The following MDGA2 variants were observed in gnomAD, a reference collection of about 807,000 sequenced individuals.
MDGA2 encodes MAM domain containing glycosylphosphatidylinositol anchor 2.
In MDGA2, 40 loss-of-function variants were observed where a neutral mutation model predicts 117.8. That is an observed-to-expected ratio of 0.34 (90% CI 0.26 to 0.44). The LOEUF is 0.44. Ranked by LOEUF, MDGA2 falls within the 20% of genes least tolerant of loss-of-function variation. The pLI is 1.00. For missense variants in MDGA2, 1,123 were observed against 1,250.6 expected (o/e 0.90, Z 1.54); for synonymous variants, 452 against 439.0 (o/e 1.03, Z -0.37).
intron 3 of MDGA2, among the ~76,000 whole-genome samples, chr14:47,144,931 G>C (rs975104653): frequency 6.6e-6 from 1 of 150,504 alleles, no homozygotes; most frequent in Non-Finnish European, 1.5e-5. Context: ...TTACAGGCGT[G>C]AACTACTATA....
intron 10 of MDGA2, among the ~76,000 whole-genome samples, chr14:46,917,489 G>C (rs546524700): frequency 2.2e-4 from 34 of 152,236 alleles, no homozygotes; most frequent in Admixed American, 6.5e-4. Context: ...GATATGCTCA[G>C]AAACATGCTC....
chr14:46,892,261 G>T (rs1882912554), intron 10 of MDGA2, among the ~76,000 whole-genome samples: 1 of 151,354 alleles, frequency 6.6e-6, no homozygotes, highest in African/African-American at 2.4e-5. Flanking sequence ...ACCCAATGAA[G>T]CAAGAATAGC....
At chr14:47,558,434 A>C (rs560371957) in intron 1 of MDGA2, among the ~76,000 whole-genome samples, 1 of 152,324 alleles carries the variant, frequency 6.6e-6, no homozygotes, top group Admixed American at 6.5e-5. Context: ...CTCACTCTGC[A>C]GTTTTCTGGG....
intron 2 of MDGA2, among the ~76,000 whole-genome samples, chr14:47,291,244 A>G (rs542394327): frequency 2.0e-5 from 3 of 152,306 alleles, no homozygotes; most frequent in East Asian, 1.9e-4. Context: ...GAAATATTTT[A>G]AATGTAGTAT....
At chr14:47,324,994 C>T (rs961955546) in intron 1 of MDGA2, among the ~76,000 whole-genome samples, 10 of 151,740 alleles carry the variant, frequency 6.6e-5, no homozygotes, top group Non-Finnish European at 8.8e-5. Context: ...AGTAGAAGAA[C>T]GGTGCTATAA....
rs1476050366 is a variant in MDGA2, at chr14:46,841,792, T to A, written c.*139A>T. 11 of 542,854 alleles carry A rather than the reference T, an allele frequency of 2.0e-5. No homozygotes were observed. Among genetic ancestry groups the A allele is most frequent in the African/African-American group, 5.8e-5 (3 of 51,572 alleles). The allele number at this position is 542,854 out of a possible 1,614,324, so 33.6% of individuals were successfully genotyped here. A position where few individuals can be genotyped will look rare whatever the true frequency, so the allele number is the denominator to read the frequency against. On this transcript the variant is annotated 3_prime_UTR_variant, in exon 17 of 17. Coordinates refer to ENST00000399232, the MANE Select transcript of MDGA2 (RefSeq NM_001113498.3). ...TTTTTATCCCCAGTGCTTAAAAAAA[T>A]TTGTTTTTATTATTTTATTTTTGAG... is the stretch of plus-strand genomic sequence containing the variant.
At chr14:47,219,493 A>T (rs182473962) in intron 2 of MDGA2, among the ~76,000 whole-genome samples, 1 of 152,082 alleles carries the variant, frequency 6.6e-6, no homozygotes, top group Non-Finnish European at 1.5e-5. Flanking sequence ...TTATAAATGT[A>T]TTACTGACAT....
At chr14:47,265,253 A>G (rs1887927698) in intron 2 of MDGA2, among the ~76,000 whole-genome samples, 1 of 152,142 alleles carries the variant, frequency 6.6e-6, no homozygotes, top group African/African-American at 2.4e-5. Flanking sequence ...AGAATTATGA[A>G]GTGATTAGTT....
chr14:47,298,841 C>A (rs1047170879), intron 2 of MDGA2, among the ~76,000 whole-genome samples: 6 of 151,878 alleles, frequency 4.0e-5, no homozygotes, highest in Non-Finnish European at 8.8e-5. Flanking sequence ...CCCGCGACCA[C>A]GTCCGGCTAA....
chr14:47,611,163 G>A (rs1432357337), intron 1 of MDGA2, among the ~76,000 whole-genome samples: 3 of 152,050 alleles, frequency 2.0e-5, no homozygotes, highest in African/African-American at 7.2e-5. Context: ...ACAGGTAGGA[G>A]AATGAAACTG....
intron 1 of MDGA2, among the ~76,000 whole-genome samples, chr14:47,528,827 C>A (rs1001232040): frequency 6.6e-6 from 1 of 151,944 alleles, no homozygotes; most frequent in African/African-American, 2.4e-5. Flanking sequence ...TGAATAAGAT[C>A]ATCAATATAT....
chr14:47,159,390 C>A (rs1489176903), intron 3 of MDGA2, among the ~76,000 whole-genome samples: 1 of 152,126 alleles, frequency 6.6e-6, no homozygotes, highest in Non-Finnish European at 1.5e-5. Context: ...CTAATCCTCC[C>A]CACCCTTTTA....
rs368219229 is a variant in MDGA2, at chr14:46,957,468, G to A, written c.1995C>T (p.Tyr665=). The stretch of plus-strand genomic sequence containing the variant: ...TTTCATTGGAAAGACTCTTCACAGC[G>A]TACTCTGTGTATTCCTGAGAGTCAA... ...GQFDSQEYTE[Y]AVKSLSNENY... The change falls in exon 9 of 17, where the codon TAC becomes TAT. Residue 665 remains tyrosine, a synonymous_variant. Coordinates refer to ENST00000399232, the MANE Select transcript of MDGA2 (RefSeq NM_001113498.3). The A allele has an allele frequency of 1.6e-4, 253 of 1,613,932 alleles. 2 individuals carry two copies. The highest frequency in any genetic ancestry group is 1.9e-4 in the South Asian group (17 of 91,080).
intron 5 of MDGA2, among the ~76,000 whole-genome samples, chr14:47,119,169 G>GCCGCCCCCCCCCCCCCCCCCCCCC (rs1881501331): frequency 5.2e-5 from 1 of 19,400 alleles, no homozygotes; most frequent in Non-Finnish European, 1.2e-4. Flanking sequence ...TCCTGCCTCA[G>GCCGCCCCCCCCCCCCCCCCCCCCC]CCCCGCCCCC....
At chr14:47,357,188 A>G (rs989718766) in intron 1 of MDGA2, among the ~76,000 whole-genome samples, 1 of 152,200 alleles carries the variant, frequency 6.6e-6, no homozygotes, top group Non-Finnish European at 1.5e-5. Context: ...GAGAGCCTAC[A>G]GGGGCTCATC....
chr14:47,662,026 C>A (rs549899930), intron 1 of MDGA2, among the ~76,000 whole-genome samples: 1 of 152,070 alleles, frequency 6.6e-6, no homozygotes, highest in Middle Eastern at 3.4e-3. Context: ...AGTGAGCCAC[C>A]GCACCCAGCC....
intron 1 of MDGA2, among the ~76,000 whole-genome samples, chr14:47,620,275 G>A (rs898299629): frequency 2.6e-5 from 4 of 152,212 alleles, no homozygotes; most frequent in East Asian, 1.9e-4. Context: ...GCAATAACTA[G>A]CAGTCATGAC....
intron 1 of MDGA2, among the ~76,000 whole-genome samples, chr14:47,391,375 A>C (rs1891891260): frequency 6.6e-6 from 1 of 152,196 alleles, no homozygotes; most frequent in Admixed American, 6.6e-5. Context: ...TTTAGGAATC[A>C]GTTTCTGTGA....
chr14:47,424,551 G>A (rs1197105348), intron 1 of MDGA2, among the ~76,000 whole-genome samples: 1 of 152,082 alleles, frequency 6.6e-6, no homozygotes, highest in Non-Finnish European at 1.5e-5. Context: ...TATATTAGAA[G>A]TGCATCATTC....
Sources: allele counts gnomAD v4.1 joint callset (sites outside exome capture counted in the v4.1 genomes callset), GRCh38; gene constraint gnomAD v4.1.1; transcripts MANE v1.5; gene names NCBI Gene and HGNC (gene_info 2026-07-23, HGNC 2026-07-21).